PTPRT: variants seen among roughly 807,000 people sequenced by gnomAD.
The protein encoded by PTPRT is receptor-type tyrosine-protein phosphatase T.
PTPRT carries 56 observed loss-of-function variants against 176.8 expected under a neutral mutation model. The observed-to-expected ratio is 0.32, with a 90% CI of 0.26 to 0.40. PTPRT has a LOEUF of 0.40. Among genes scored for constraint, PTPRT ranks in the 10% least tolerant of loss-of-function variants. PTPRT has a pLI of 1.00. For synonymous variants in PTPRT, 783 were observed against 739.0 expected, an observed-to-expected ratio of 1.06 and a Z score of -0.96; for missense variants, 1,540 against 1,908.2, an observed-to-expected ratio of 0.81 and a Z score of 3.60.
chr20:42,447,936 A>G (rs184395386), intron 9 of PTPRT, among the ~76,000 whole-genome samples: 1 of 152,320 alleles, frequency 6.6e-6, no homozygotes, highest in East Asian at 1.9e-4. Flanking sequence ...CTTCCACATA[A>G]GAACAATCTG....
intron 16 of PTPRT, among the ~76,000 whole-genome samples, chr20:42,176,267 A>G (rs117267948): frequency 0.013 from 1,913 of 152,238 alleles, 17 homozygotes; most frequent in Non-Finnish European, 0.019. Flanking sequence ...CATGTCTTCT[A>G]ATTCTTTTGG....
intron 7 of PTPRT, among the ~76,000 whole-genome samples, chr20:42,597,238 T>C (rs1046531587): frequency 6.6e-5 from 10 of 152,208 alleles, no homozygotes; most frequent in Admixed American, 6.5e-4. Flanking sequence ...AATGTCTCAG[T>C]TGATTAGGTC....
chr20:43,032,361 C>G (rs1785610909), intron 1 of PTPRT, among the ~76,000 whole-genome samples: 2 of 150,936 alleles, frequency 1.3e-5, no homozygotes, highest in African/African-American at 4.9e-5. Flanking sequence ...GCACAAAATT[C>G]TATTGAATAG....
At chr20:42,883,742 T>TCCCATACACA (rs1600515695) in intron 2 of PTPRT, among the ~76,000 whole-genome samples, 1 of 12,006 alleles carries the variant, frequency 8.3e-5, no homozygotes, top group African/African-American at 3.2e-4. Flanking sequence ...CCATACACTC[T>TCCCATACACA]CACACATACC....
chr20:42,377,918 G>GC (rs2058666364), intron 9 of PTPRT, among the ~76,000 whole-genome samples: 1 of 152,106 alleles, frequency 6.6e-6, no homozygotes, highest in South Asian at 2.1e-4. Flanking sequence ...AATACAGCAG[G>GC]AGCACCAATA....
At chr20:42,526,956 CTTTTTTTTTTTTTTT>C (rs915511549) in intron 7 of PTPRT, among the ~76,000 whole-genome samples, 3 of 78,716 alleles carry the variant, frequency 3.8e-5, no homozygotes, top group Admixed American at 3.6e-4. Flanking sequence ...GTTCTTTTTT[CTTTTTTTTTTTTTTT>C]TTTTTTTTTT....
chr20:42,540,742 GA>G (rs1189277170), intron 7 of PTPRT, among the ~76,000 whole-genome samples: 1 of 152,144 alleles, frequency 6.6e-6, no homozygotes, highest in East Asian at 1.9e-4. Flanking sequence ...AGTTGTGCAG[GA>G]AGGGAAAATA....
At chr20:42,596,173 G>C (rs573935193) in intron 7 of PTPRT, among the ~76,000 whole-genome samples, 8 of 152,246 alleles carry the variant, frequency 5.3e-5, no homozygotes, top group South Asian at 2.1e-4. Flanking sequence ...ATCTATCAAG[G>C]AGAAGCTTCC....
rs1387516953 is a variant in PTPRT, at chr20:43,066,678, T to C, written c.88+122968A>G. On this transcript the variant is annotated intron_variant, in intron 1 of 30. Transcript: ENST00000373187. ...ACCTCTACCCTGTTCCAACCTGAAC[T>C]GTGGGGCATAGCACGGAGTGGTGGA... is the stretch of plus-strand genomic sequence containing the variant. 2.6e-5 allele frequency among the ~76,000 whole-genome samples: 4 copies of C among 152,190 alleles called. No individual in the cohort carries two copies. In the East Asian group the frequency reaches 7.7e-4, roughly 29 times the overall value.
At chr20:43,181,508 G>C (rs2015257481) in intron 1 of PTPRT, among the ~76,000 whole-genome samples, 1 of 152,140 alleles carries the variant, frequency 6.6e-6, no homozygotes, top group South Asian at 2.1e-4. Flanking sequence ...AAGACACGGT[G>C]ACCTCAGCTT....
At position 43,008,627 on chromosome 20, in the gene PTPRT, GT is replaced by G. The variant is rs1184063803; in HGVS notation, c.89-122696del. ...CATCACTTGCATCCGGGAGATGGAG[GT>G]TGCAGTGAGCCGACATCACACCACT... is the stretch of plus-strand genomic sequence containing the variant. On this transcript the variant is annotated intron_variant, in intron 1 of 30. Coordinates refer to ENST00000373187, the MANE Select transcript of PTPRT (RefSeq NM_007050.6). 5.3e-5 allele frequency among the ~76,000 whole-genome samples: 8 copies of G among 152,236 alleles called. No homozygotes were observed. In the East Asian group the frequency reaches 1.5e-3, roughly 29 times the overall value.
Position 42,929,254 on chromosome 20 carries a change from A to G in PTPRT, c.89-43322T>C, listed in dbSNP as rs565700813. ...AATTCAAAAACAGGAGACTAATTAA[A>G]TAAGTTGTGATACACTCACGCACTT... On this transcript the variant is annotated intron_variant, in intron 1 of 30. Transcript: ENST00000373187. Among the ~76,000 whole-genome samples, 12 of 152,408 alleles carry G rather than the reference A, an allele frequency of 7.9e-5. 1 individual carries two copies. The South Asian group carries it at 2.1e-3, about 26-fold the overall frequency.
At chr20:43,163,473 C>G (rs550832671) in intron 1 of PTPRT, among the ~76,000 whole-genome samples, 1 of 152,176 alleles carries the variant, frequency 6.6e-6, no homozygotes, top group Admixed American at 6.5e-5. Flanking sequence ...CCCGTCTCTA[C>G]TAAAAATATA....
chr20:42,383,143 A>C (rs139107218), intron 9 of PTPRT, among the ~76,000 whole-genome samples: 331 of 152,306 alleles, frequency 2.2e-3, no homozygotes, highest in African/African-American at 7.6e-3. Flanking sequence ...AGTTTCATTA[A>C]ATAAATTTGA....
chr20:42,906,587 A>G (rs887915732), intron 1 of PTPRT, among the ~76,000 whole-genome samples: 1 of 152,202 alleles, frequency 6.6e-6, no homozygotes, highest in African/African-American at 2.4e-5. Context: ...CTAAAAGAGC[A>G]CATGCCCACT....
intron 16 of PTPRT, among the ~76,000 whole-genome samples, chr20:42,169,520 G>A (rs1448560107): frequency 6.6e-6 from 1 of 152,048 alleles, no homozygotes; most frequent in South Asian, 2.1e-4. Flanking sequence ...CACATGCCAG[G>A]ATGGTATGGA....
intron 3 of PTPRT, among the ~76,000 whole-genome samples, chr20:42,781,379 G>C (rs982727565): frequency 6.6e-6 from 1 of 152,136 alleles, no homozygotes; most frequent in African/African-American, 2.4e-5. Context: ...CAAGAGGCAA[G>C]AGGGAAAGAG....
intron 7 of PTPRT, among the ~76,000 whole-genome samples, chr20:42,485,930 C>T (rs1291921197): frequency 6.6e-6 from 1 of 152,146 alleles, no homozygotes; most frequent in Non-Finnish European, 1.5e-5. Flanking sequence ...TTGGGACTTA[C>T]CTAGGCAATG....
chr20:42,416,960 T>C (rs1224186128), intron 9 of PTPRT, among the ~76,000 whole-genome samples: 1 of 152,158 alleles, frequency 6.6e-6, no homozygotes, highest in Non-Finnish European at 1.5e-5. Context: ...TCTTCTTCCA[T>C]TTAGAGTCTT....
Sources: gnomAD v4.1 joint callset for allele counts (sites outside exome capture counted in the v4.1 genomes callset) on GRCh38, gnomAD v4.1.1 for gene constraint, MANE v1.5 for transcripts, NCBI Gene and HGNC (gene_info 2026-07-23, HGNC 2026-07-21) for gene names.